The following CCDC7 variants were observed in gnomAD, a reference collection of about 807,000 sequenced individuals.
CCDC7 encodes coiled-coil domain containing 7, also known as coiled-coil domain-containing protein 7.
Under a neutral mutation model 196.9 loss-of-function variants are expected in CCDC7, and 183 were observed. The observed-to-expected ratio is 0.93, with a 90% CI of 0.82 to 1.05. CCDC7 has a LOEUF of 1.05. Among genes scored for constraint, CCDC7 ranks in the 50% least tolerant of loss-of-function variants. CCDC7 has a pLI of 0.00. For synonymous variants in CCDC7, 525 were observed against 484.6 expected (o/e 1.08, Z -1.10); for missense variants, 1,540 against 1,482.2 (o/e 1.04, Z -0.64).
chr10:32,519,339 A>G (rs2047526471), intron 11 of CCDC7, among the ~76,000 whole-genome samples: 2 of 152,196 alleles, frequency 1.3e-5, no homozygotes, highest in Admixed American at 1.3e-4. Flanking sequence ...ACACACTGTT[A>G]GAACCACATT....
intron 21 of CCDC7, among the ~76,000 whole-genome samples, chr10:32,666,667 G>C (rs946927205): frequency 4.6e-5 from 7 of 151,822 alleles, no homozygotes; most frequent in African/African-American, 1.7e-4. Flanking sequence ...GAGAATGATG[G>C]TTTCCAGCTT....
At chr10:32,813,427 G>GACCT (rs1365311486) in intron 30 of CCDC7, among the ~76,000 whole-genome samples, 2 of 152,096 alleles carry the variant, frequency 1.3e-5, no homozygotes, top group African/African-American at 4.8e-5. Context: ...ATGTTCAAGG[G>GACCT]ACCTCAGAGG....
At chr10:32,619,662 A>T (rs1269219717) in intron 18 of CCDC7, among the ~76,000 whole-genome samples, 3 of 152,132 alleles carry the variant, frequency 2.0e-5, no homozygotes, top group African/African-American at 7.2e-5. Flanking sequence ...GAACAAAATA[A>T]ATAACCTTGA....
Position 32,808,603 on chromosome 10 carries a change from G to C in CCDC7, c.3097+3505G>C, listed in dbSNP as rs1360150874. 8.8e-5 allele frequency among the ~76,000 whole-genome samples: 10 copies of C among 114,002 alleles called. No homozygotes were observed. The Admixed American group carries it at 9.6e-4, about 11-fold the overall frequency. 74.8% of individuals were successfully genotyped at this position (114,002 alleles called of 152,430 possible). A position where few individuals can be genotyped will look rare whatever the true frequency, so the allele number is the denominator to read the frequency against. ...CCAGCACTCAAGCAAGCCACCTAGAGGCCCAAGGATTAGCCTGCCTGGACT... is the reference window on the plus strand; with the variant it reads ...CCAGCACTCAAGCAAGCCACCTAGACGCCCAAGGATTAGCCTGCCTGGACT... On this transcript the variant is annotated intron_variant, in intron 30 of 41. Coordinates refer to ENST00000639629, the Ensembl canonical transcript of CCDC7.
At chr10:32,635,211 C>A (rs1564901021) in intron 20 of CCDC7, 53 bp downstream of exon 21, 1 of 395,116 alleles carries the variant, frequency 2.5e-6, no homozygotes, top group East Asian at 3.6e-5. Context: ...TATTAAACAG[C>A]TTTTTTTATG....
At chr10:32,832,608 C>T (rs142265797) in intron 32 of CCDC7, among the ~76,000 whole-genome samples, 63 of 151,878 alleles carry the variant, frequency 4.1e-4, no homozygotes, top group Middle Eastern at 6.8e-3. Flanking sequence ...GAAACTCAAA[C>T]AAAAAGAATC....
chr10:32,714,969 A>G (rs1196743452), intron 25 of CCDC7, among the ~76,000 whole-genome samples: 1 of 152,240 alleles, frequency 6.6e-6, no homozygotes, highest in East Asian at 1.9e-4. Flanking sequence ...CTGTGGGCGC[A>G]GCTTCAGCAA....
intron 18 of CCDC7, among the ~76,000 whole-genome samples, chr10:32,603,107 C>T (rs2061231413): frequency 6.6e-6 from 1 of 152,108 alleles, no homozygotes; most frequent in African/African-American, 2.4e-5. Context: ...CATTCTCCCA[C>T]CCCTTCCCAG....
intron 13 of CCDC7, among the ~76,000 whole-genome samples, chr10:32,561,722 A>G (rs531614679): frequency 3.9e-4 from 60 of 152,364 alleles, no homozygotes; most frequent in Non-Finnish European, 6.8e-4. Context: ...TGGACACCCT[A>G]ACATCACAAT....
chr10:32,624,518 A>G (rs1012017718), intron 18 of CCDC7, among the ~76,000 whole-genome samples: 1 of 152,222 alleles, frequency 6.6e-6, no homozygotes, highest in Non-Finnish European at 1.5e-5. Flanking sequence ...CAGTGCTTCA[A>G]AAGCAATGTC....
chr10:32,497,023 G>C (rs1270020254), intron 9 of CCDC7, among the ~76,000 whole-genome samples: 2 of 152,050 alleles, frequency 1.3e-5, no homozygotes, highest in Non-Finnish European at 2.9e-5. Flanking sequence ...TCTGGTCCTG[G>C]ACTTTTTTTG....
At chr10:32,596,490 G>T (rs918480384) in intron 18 of CCDC7, among the ~76,000 whole-genome samples, 12 of 151,978 alleles carry the variant, frequency 7.9e-5, no homozygotes, top group Admixed American at 1.3e-4. Flanking sequence ...TATCCAATTT[G>T]CCTGTTTGTG....
intron 8 of CCDC7, among the ~76,000 whole-genome samples, chr10:32,484,982 G>T (rs1234469581): frequency 6.6e-6 from 1 of 152,184 alleles, no homozygotes; most frequent in East Asian, 1.9e-4. Flanking sequence ...GTCTCTGCCA[G>T]GCTTTGGTAT....
rs537401640 is a variant in CCDC7 at position 32,712,174 on chromosome 10, G to A, written c.2569+444G>A. Among the ~76,000 whole-genome samples the A allele has an allele frequency of 1.8e-4, 28 of 152,284 alleles. No homozygotes were observed. The South Asian group carries it at 5.6e-3, about 30-fold the overall frequency. On this transcript the variant is annotated intron_variant, in intron 25 of 41. Transcript: ENST00000639629. ...ATTTCCAGGGTATCATGCTGGTCAA[G>A]GCCCCATTCAAAGGTAGTGGTCTTT... is the stretch of plus-strand genomic sequence containing the variant.
intron 20 of CCDC7, among the ~76,000 whole-genome samples, chr10:32,639,490 C>T (rs557745374): frequency 4.6e-5 from 7 of 152,066 alleles, no homozygotes; most frequent in Admixed American, 1.3e-4. Context: ...GCCTTCATTT[C>T]GTTATGTACC....
Position 32,711,746 on chromosome 10 carries a change from A to G in CCDC7, c.2569+16A>G, listed in dbSNP as rs1487049726. On this transcript the variant is annotated intron_variant, in intron 25 of 41. Coordinates refer to ENST00000639629, the Ensembl canonical transcript of CCDC7. ...GGACGTAGCAGTAAGTATAATGATG[A>G]TAGCTATTTTATATTATTTTAAGTA... 2 of 1,398,302 alleles carry G rather than the reference A, an allele frequency of 1.4e-6. No individual in the cohort carries two copies. Among genetic ancestry groups the G allele is most frequent in the Non-Finnish European group, 2.0e-6 (2 of 1,024,494 alleles). 86.6% of individuals were successfully genotyped at this position (1,398,302 alleles called of 1,614,324 possible).
intron 20 of CCDC7, among the ~76,000 whole-genome samples, chr10:32,642,168 C>T (rs1489578506): frequency 1.3e-5 from 2 of 152,208 alleles, no homozygotes; most frequent in African/African-American, 2.4e-5. Context: ...CCACTACTCT[C>T]TTCAAAGCTG....
intron 18 of CCDC7, among the ~76,000 whole-genome samples, chr10:32,598,411 C>T (rs932802731): frequency 2.0e-5 from 3 of 152,174 alleles, no homozygotes; most frequent in Non-Finnish European, 4.4e-5. Flanking sequence ...GTCATGGCTT[C>T]CCTTTGCTAG....
intron 2 of CCDC7, among the ~76,000 whole-genome samples, chr10:32,455,763 G>C (rs562384609): frequency 6.6e-6 from 1 of 152,208 alleles, no homozygotes; most frequent in African/African-American, 2.4e-5. Flanking sequence ...GAAGGGATTT[G>C]ATCGTTATGA....
Sources: allele counts gnomAD v4.1 joint callset (sites outside exome capture counted in the v4.1 genomes callset), GRCh38; gene constraint gnomAD v4.1.1; transcripts MANE v1.5; gene names NCBI Gene and HGNC (gene_info 2026-07-23, HGNC 2026-07-21).